The following RERE variants were observed in gnomAD, a reference collection of about 807,000 sequenced individuals.
The protein encoded by RERE is arginine-glutamic acid dipeptide repeats.
A neutral mutation model predicts 146.1 loss-of-function variants in RERE; 40 were observed. The ratio of observed to expected loss-of-function variants is 0.27; its 90% CI spans 0.21 to 0.36. The LOEUF is 0.36. RERE is among the 10% of genes least tolerant of loss of function. RERE has a pLI of 1.00. For synonymous variants in RERE, 1,003 were observed against 866.0 expected (o/e 1.16, Z -2.78); for missense variants, 1,933 against 2,138.7 (o/e 0.90, Z 1.90).
chr1:8,400,855 A>G (rs1643225844), intron 12 of RERE, among the ~76,000 whole-genome samples: 1 of 146,456 alleles, frequency 6.8e-6, no homozygotes, highest in East Asian at 2.0e-4. Flanking sequence ...AAAAAAAAAA[A>G]AAAAACCCAA....
At chr1:8,689,397 T>C (rs955858788) in intron 1 of RERE, among the ~76,000 whole-genome samples, 25 of 152,350 alleles carry the variant, frequency 1.6e-4, no homozygotes, top group Non-Finnish European at 8.8e-5. Flanking sequence ...ATAACTCCTC[T>C]ATCCTATTAC....
chr1:8,804,012 T>C (rs1641637878), intron 1 of RERE, among the ~76,000 whole-genome samples: 1 of 152,214 alleles, frequency 6.6e-6, no homozygotes, highest in African/African-American at 2.4e-5. Context: ...CTAAGAAATA[T>C]TAATATTAAT....
intron 11 of RERE, among the ~76,000 whole-genome samples, chr1:8,451,709 T>A (rs1007946979): frequency 2.0e-5 from 3 of 152,088 alleles, no homozygotes; most frequent in Non-Finnish European, 4.4e-5. Context: ...AGTCCAGTAG[T>A]TCTCAGGGCC....
At chr1:8,674,261 G>C (rs1043740038) in intron 1 of RERE, among the ~76,000 whole-genome samples, 3 of 152,038 alleles carry the variant, frequency 2.0e-5, no homozygotes, top group African/African-American at 7.3e-5. Flanking sequence ...ACACAGGCCT[G>C]TTAAATATCA....
intron 12 of RERE, among the ~76,000 whole-genome samples, chr1:8,396,771 CT>C (rs1643071135): frequency 6.6e-6 from 1 of 152,158 alleles, no homozygotes; most frequent in South Asian, 2.1e-4. Flanking sequence ...TTCCAAAACG[CT>C]TTCATCATCC....
At chr1:8,416,671 G>C (rs1643782530) in intron 12 of RERE, among the ~76,000 whole-genome samples, 1 of 151,424 alleles carries the variant, frequency 6.6e-6, no homozygotes, top group Admixed American at 6.6e-5. Context: ...TTTTCTGTTT[G>C]AAATATTTTG....
At position 8,808,182 on chromosome 1, in the gene RERE, A is replaced by AACATAATAAGAGGAAC. The variant is rs1373957230; in HGVS notation, c.-145+8977_-145+8978insGTTCCTCTTATTATGT. Among the ~76,000 whole-genome samples the AACATAATAAGAGGAAC allele has an allele frequency of 2.4e-3, 370 of 151,478 alleles. 3 individuals carry two copies. Among genetic ancestry groups the AACATAATAAGAGGAAC allele is most frequent in the African/African-American group, 8.4e-3 (348 of 41,274 alleles). On this transcript the variant is annotated intron_variant, in intron 1 of 22. Transcript: ENST00000400908. ...AAAAAAAAAAAAAACCTCCTTCAGGAAGCTAAGCCATGATATTCTGATCAT... is the reference window on the plus strand; with the variant it reads ...AAAAAAAAAAAAAACCTCCTTCAGGAACATAATAAGAGGAACAGCTAAGCCATGATATTCTGATCAT...
intron 15 of RERE, chr1:8,363,642 GA>G: frequency 4.8e-6 from 1 of 206,512 alleles, no homozygotes; most frequent in Non-Finnish European, 9.9e-6. Flanking sequence ...GCAGTGAGCA[GA>G]AAAATGTATC....
At chr1:8,812,270 A>G (rs1641826516) in intron 1 of RERE, among the ~76,000 whole-genome samples, 1 of 152,264 alleles carries the variant, frequency 6.6e-6, no homozygotes, top group East Asian at 1.9e-4. Context: ...TAGAGGCCAC[A>G]TCATTTTATA....
intron 4 of RERE, among the ~76,000 whole-genome samples, chr1:8,576,008 A>T (rs1326159886): frequency 2.0e-5 from 3 of 152,124 alleles, no homozygotes; most frequent in African/African-American, 4.8e-5. Flanking sequence ...GATTAGATCC[A>T]TTCCCTACAC....
chr1:8,475,723 C>T (rs756336873), intron 10 of RERE, among the ~76,000 whole-genome samples: 3 of 151,748 alleles, frequency 2.0e-5, no homozygotes, highest in Non-Finnish European at 4.4e-5. Context: ...TTCTTATAAC[C>T]ATAATTCACA....
At chr1:8,493,267 TA>T (rs1157143303) in intron 10 of RERE, among the ~76,000 whole-genome samples, 1 of 152,198 alleles carries the variant, frequency 6.6e-6, no homozygotes, top group Non-Finnish European at 1.5e-5. Flanking sequence ...AAAATAATCT[TA>T]AAGGCCCCTT....
At chr1:8,729,246 T>C (rs1569651228) in intron 1 of RERE, among the ~76,000 whole-genome samples, 1 of 135,766 alleles carries the variant, frequency 7.4e-6, no homozygotes, top group Admixed American at 7.8e-5. Context: ...TTTATTGAGA[T>C]GGAGTCTCGC....
At chr1:8,644,699 T>C (rs1006288673) in intron 2 of RERE, among the ~76,000 whole-genome samples, 5 of 152,192 alleles carry the variant, frequency 3.3e-5, no homozygotes, top group African/African-American at 1.2e-4. Context: ...ATGGACTATG[T>C]TGCCCAGGCT....
At chr1:8,812,576 A>G (rs1641833189) in intron 1 of RERE, among the ~76,000 whole-genome samples, 1 of 152,128 alleles carries the variant, frequency 6.6e-6, no homozygotes, top group Admixed American at 6.6e-5. Flanking sequence ...GAACCTGGGA[A>G]GCAAAGTTGC....
intron 12 of RERE, among the ~76,000 whole-genome samples, chr1:8,393,054 TG>T (rs1557607171): frequency 6.6e-6 from 1 of 152,162 alleles, no homozygotes; most frequent in Non-Finnish European, 1.5e-5. Context: ...GAGAATGTGG[TG>T]GGCTTACTCA....
At chr1:8,497,793 G>A (rs1417772212) in intron 8 of RERE, among the ~76,000 whole-genome samples, 1 of 152,090 alleles carries the variant, frequency 6.6e-6, no homozygotes, top group Admixed American at 6.5e-5. Flanking sequence ...GATACCAAGA[G>A]TAAAACTGAA....
chr1:8,623,306 C>G (rs1646937900), intron 3 of RERE, among the ~76,000 whole-genome samples: 1 of 152,040 alleles, frequency 6.6e-6, no homozygotes. Flanking sequence ...AAAAAATCAG[C>G]CGGTTGTACT....
intron 1 of RERE, among the ~76,000 whole-genome samples, chr1:8,728,463 CA>C (rs529828973): frequency 3.2e-3 from 434 of 136,060 alleles, no homozygotes; most frequent in African/African-American, 8.6e-3. Flanking sequence ...AAGAGACCAT[CA>C]AAAAAAAAAA....
Sources: allele counts gnomAD v4.1 joint callset (sites outside exome capture counted in the v4.1 genomes callset), GRCh38; gene constraint gnomAD v4.1.1; transcripts MANE v1.5; gene names NCBI Gene and HGNC (gene_info 2026-07-23, HGNC 2026-07-21).